The following TFCP2L1 variants were observed in gnomAD, a reference collection of about 807,000 sequenced individuals.
TFCP2L1 encodes the protein transcription factor CP2 like 1.
Under a neutral mutation model 72.2 loss-of-function variants are expected in TFCP2L1, and 12 were observed. That is an observed-to-expected ratio of 0.17 (90% CI 0.11 to 0.27). The LOEUF (loss-of-function observed/expected upper bound fraction) is 0.27. Among genes scored for constraint, TFCP2L1 ranks in the 10% least tolerant of loss-of-function variants. The pLI, the probability that TFCP2L1 is intolerant of heterozygous loss-of-function variation, is 1.00. For missense variants in TFCP2L1, 488 were observed against 624.6 expected (o/e 0.78, Z 2.33); for synonymous variants, 260 against 251.0 (o/e 1.04, Z -0.34).
intron 2 of TFCP2L1, among the ~76,000 whole-genome samples, chr2:121,255,546 C>T (rs746640773): frequency 9.2e-5 from 14 of 152,132 alleles, no homozygotes; most frequent in East Asian, 3.9e-4. Context: ...ATGTTATAAA[C>T]GAGGAAATTA....
At chr2:121,241,439 G>A (rs1321040916) in intron 7 of TFCP2L1, among the ~76,000 whole-genome samples, 2 of 152,186 alleles carry the variant, frequency 1.3e-5, no homozygotes, top group Non-Finnish European at 2.9e-5. Context: ...GAAGGTTGCA[G>A]TGAGCCAAGA....
rs1313762566 is a variant in TFCP2L1 at position 121,221,400 on chromosome 2, T to A, written c.*2941A>T. 1.0e-4 allele frequency: 15 copies of A among 143,292 alleles called. No individual in the cohort carries two copies. Among genetic ancestry groups the A allele is most frequent in the African/African-American group, 1.8e-4 (7 of 38,004 alleles). The allele number at this position is 143,292 out of a possible 1,614,324, so 8.9% of individuals were successfully genotyped here. On this transcript the variant is annotated 3_prime_UTR_variant, in exon 15 of 15. Coordinates refer to ENST00000263707, the MANE Select transcript of TFCP2L1 (RefSeq NM_014553.3). ...CTGGTGGAACCAAACACAGACTAAG[T>A]AAAAAAAAAAAAAAGGTAAGCTTCC... is the stretch of plus-strand genomic sequence containing the variant.
intron 1 of TFCP2L1, among the ~76,000 whole-genome samples, chr2:121,281,687 T>A (rs1003961342): frequency 2.0e-5 from 3 of 152,212 alleles, no homozygotes; most frequent in Non-Finnish European, 4.4e-5. Context: ...TTTTTATTTT[T>A]TAATCAACAA....
In TFCP2L1 at chr2:121,285,032, C is replaced by G. The variant is rs1006014623; in HGVS notation, c.62+16G>C. 2.0e-6 allele frequency: 3 copies of G among 1,482,044 alleles called. No homozygotes were observed. The South Asian group carries it at 3.9e-5, about 19-fold the overall frequency. The allele number at this position is 1,482,044 out of a possible 1,614,324, so 91.8% of individuals were successfully genotyped here. On this transcript the variant is annotated intron_variant, in intron 1 of 14. Transcript: ENST00000263707. ...GGCCCGGCCCGAGACCCGCGGGGAC[C>G]GCGCGCGGCCCTTACCGCAGGTAGC...
At chr2:121,249,499 A>G in intron 3 of TFCP2L1, 72 bp downstream of exon 3, 1 of 1,491,428 alleles carries the variant, frequency 6.7e-7, no homozygotes, top group Non-Finnish European at 9.3e-7. Context: ...GCCCAACCCC[A>G]GCAAGCCCAG....
chr2:121,237,472 G>T, intron 10 of TFCP2L1, 151 bp downstream of exon 10: 2 of 827,040 alleles, frequency 2.4e-6, no homozygotes, highest in Non-Finnish European at 3.8e-6. Flanking sequence ...GCCCAGGGTT[G>T]GGGCACGTGA....
chr2:121,264,760 A>G (rs1187186325), intron 2 of TFCP2L1, among the ~76,000 whole-genome samples: 1 of 152,214 alleles, frequency 6.6e-6, no homozygotes, highest in Non-Finnish European at 1.5e-5. Flanking sequence ...ACTCTGCTTT[A>G]TGAGGCTGGC....
At chr2:121,280,769 G>GA (rs557121688) in intron 2 of TFCP2L1, among the ~76,000 whole-genome samples, 1,783 of 23,860 alleles carry the variant, frequency 0.075, 48 homozygotes, top group African/African-American at 0.18. Context: ...CTCAAAAAAG[G>GA]AAAAAAAAAA....
At chr2:121,269,916 AAAAT>A (rs1687010513) in intron 2 of TFCP2L1, among the ~76,000 whole-genome samples, 1 of 96,036 alleles carries the variant, frequency 1.0e-5, no homozygotes. Context: ...CTAAAAAAAA[AAAAT>A]ATATATATAT....
chr2:121,280,986 C>G, intron 2 of TFCP2L1, 134 bp downstream of exon 2: 6 of 1,070,566 alleles, frequency 5.6e-6, no homozygotes, highest in Non-Finnish European at 8.0e-6. Flanking sequence ...TGAACCTGCA[C>G]CTGTTCTCTT....
At chr2:121,274,691 G>T (rs1431595004) in intron 2 of TFCP2L1, among the ~76,000 whole-genome samples, 1 of 152,186 alleles carries the variant, frequency 6.6e-6, no homozygotes, top group Non-Finnish European at 1.5e-5. Flanking sequence ...GCTCATGCCT[G>T]TAATCCCAAC....
intron 5 of TFCP2L1, among the ~76,000 whole-genome samples, chr2:121,247,422 G>A (rs2104701509): frequency 6.6e-6 from 1 of 152,108 alleles, no homozygotes; most frequent in East Asian, 1.9e-4. Flanking sequence ...CTTCTGGTAG[G>A]TTCCTACTAC....
Position 121,217,564 on chromosome 2 carries a change from A to G in TFCP2L1, c.*6777T>C, listed in dbSNP as rs1341298473. 1 of 152,630 alleles carries G rather than the reference A, an allele frequency of 6.6e-6. No individual in the cohort carries two copies. The highest frequency in any genetic ancestry group is 6.5e-5 in the Admixed American group (1 of 15,296). 9.5% of individuals were successfully genotyped at this position (152,630 alleles called of 1,614,324 possible). A position where few individuals can be genotyped will look rare whatever the true frequency, so the allele number is the denominator to read the frequency against. ...AAACCACCAAGCTGAGGCCACTGTGAGCAGTCCCCTTTGTAGCAGGAAGAG... is the reference window on the plus strand; with the variant it reads ...AAACCACCAAGCTGAGGCCACTGTGGGCAGTCCCCTTTGTAGCAGGAAGAG... On this transcript the variant is annotated 3_prime_UTR_variant, in exon 15 of 15. Coordinates refer to ENST00000263707, the MANE Select transcript of TFCP2L1 (RefSeq NM_014553.3).
intron 1 of TFCP2L1, among the ~76,000 whole-genome samples, chr2:121,284,837 C>T (rs1687334032): frequency 6.6e-6 from 1 of 152,156 alleles, no homozygotes; most frequent in Non-Finnish European, 1.5e-5. Flanking sequence ...CTCGCCTCCC[C>T]AGCGGGCCCC....
chr2:121,238,399 G>A (rs909866547), intron 8 of TFCP2L1, among the ~76,000 whole-genome samples: 8 of 152,176 alleles, frequency 5.3e-5, no homozygotes, highest in African/African-American at 1.9e-4. Flanking sequence ...CCCGAGAGGG[G>A]GTGCACAAGC....
At chr2:121,248,947 A>C (rs1205313375) in intron 4 of TFCP2L1, 35 bp downstream of exon 4, 1 of 1,511,050 alleles carries the variant, frequency 6.6e-7, no homozygotes, top group Non-Finnish European at 8.9e-7. Context: ...GGGTGCCTCG[A>C]GCCTTGCCTG....
rs969297188 is a variant in TFCP2L1, at chr2:121,257,520, G to C, written c.215-7873C>G. Among the ~76,000 whole-genome samples, 4 of 152,204 alleles carry C rather than the reference G, an allele frequency of 2.6e-5. No individual in the cohort carries two copies. In the South Asian group the frequency reaches 8.3e-4, roughly 31 times the overall value. On this transcript the variant is annotated intron_variant, in intron 2 of 14. Coordinates refer to ENST00000263707, the MANE Select transcript of TFCP2L1 (RefSeq NM_014553.3). Reference sequence around the variant, plus strand: ...CCTCCACCCACCTGAAGAGCAGCAGGGGGCAGGGGGGAGGCCAGATAAAAT... The same window carrying C: ...CCTCCACCCACCTGAAGAGCAGCAGCGGGCAGGGGGGAGGCCAGATAAAAT...
intron 2 of TFCP2L1, among the ~76,000 whole-genome samples, chr2:121,262,398 A>C (rs922555162): frequency 6.6e-6 from 1 of 152,140 alleles, no homozygotes; most frequent in Non-Finnish European, 1.5e-5. Flanking sequence ...CCGGGAGGCG[A>C]GGCTGCAGTG....
chr2:121,270,374 T>C lies in TFCP2L1; in HGVS notation c.214+10746A>G, dbSNP rs61214374. Among the ~76,000 whole-genome samples the C allele has an allele frequency of 5.3e-3, 806 of 152,292 alleles. 3 individuals carry two copies. Among genetic ancestry groups the C allele is most frequent in the African/African-American group, 0.019 (785 of 41,550 alleles). The stretch of plus-strand genomic sequence containing the variant: ...GAAAATAAACAAGTATTCAGATAGT[T>C]ATTGTTCACAAAGTACAAACTGGCA... On this transcript the variant is annotated intron_variant, in intron 2 of 14. Coordinates refer to ENST00000263707, the MANE Select transcript of TFCP2L1 (RefSeq NM_014553.3).
Sources: gnomAD v4.1 joint callset for allele counts (sites outside exome capture counted in the v4.1 genomes callset) on GRCh38, gnomAD v4.1.1 for gene constraint, MANE v1.5 for transcripts, NCBI Gene and HGNC (gene_info 2026-07-23, HGNC 2026-07-21) for gene names.